Variants in PTBP1 observed in about 807,000 individuals in gnomAD.
PTBP1 encodes polypyrimidine tract-binding protein 1.
Under a neutral mutation model 59.8 loss-of-function variants are expected in PTBP1, and 8 were observed. The observed-to-expected ratio is 0.13, with a 90% CI of 0.08 to 0.24. The LOEUF (loss-of-function observed/expected upper bound fraction) is 0.24. PTBP1 is among the 10% of genes least tolerant of loss of function. The pLI is 1.00. For synonymous variants in PTBP1, 490 were observed against 320.7 expected (o/e 1.53, Z -5.64); for missense variants, 686 against 767.0 (o/e 0.89, Z 1.25).
intron 8 of PTBP1, 118 bp from the exon 9 acceptor site, chr19:805,374 T>A: frequency 8.2e-7 from 1 of 1,220,514 alleles, no homozygotes; most frequent in Non-Finnish European, 1.2e-6. Context: ...GCAGCGGATC[T>A]GCCCGCGAAG....
Position 804,543 on chromosome 19 carries a change from G to A in PTBP1, c.447G>A (p.Ala149=), listed in dbSNP as rs765059664. Residue 149 remains alanine (A), a synonymous_variant, in exon 6 of 15, where the codon GCG becomes GCA. Coordinates refer to ENST00000356948, the MANE Select transcript of PTBP1 (RefSeq NM_002819.5). The part of the protein sequence containing the change: ...DSSPNQARAQ[A]ALQAVNSVQS... ...TGTGCCTCCCACAGCGGGCCCAGGC[G>A]GCCCTGCAGGCGGTGAACTCGGTCC... 1.4e-5 allele frequency: 22 copies of A among 1,603,744 alleles called. No individual in the cohort carries two copies. The Admixed American group carries it at 2.0e-4, about 15-fold the overall frequency.
chr19:809,193 G>C (rs922486899), intron 13 of PTBP1, among the ~76,000 whole-genome samples: 8 of 151,978 alleles, frequency 5.3e-5, no homozygotes, highest in Non-Finnish European at 1.2e-4. Flanking sequence ...ATTTTTAGTA[G>C]AGACGGGGTT....
rs958328468 is a variant in PTBP1, at chr19:808,328, G to A, written c.1154-32G>A. The A allele has an allele frequency of 9.8e-6, 15 of 1,534,926 alleles. No individual in the cohort carries two copies. The highest frequency in any genetic ancestry group is 1.4e-5 in the African/African-American group (1 of 73,048). On this transcript the variant is annotated intron_variant, in intron 11 of 14. Transcript: ENST00000356948. This position sits in a 1 kb window ranked among gnomAD's most constrained non-coding sequence, Gnocchi z 4.7. ...GGGAGATGGGCGGGGCAGGCAGCAG[G>A]AGACTCAGGCCCCATCCCTGGGCTT... is the stretch of plus-strand genomic sequence containing the variant.
intron 9 of PTBP1, chr19:805,794 G>A (rs1000471646): frequency 1.4e-5 from 8 of 568,400 alleles, no homozygotes; most frequent in Non-Finnish European, 2.2e-5. Context: ...GCCAGAAGCC[G>A]CTAATCGCAC....
chr19:803,443 G>C (rs2034425568), intron 2 of PTBP1, 118 bp from the exon 3 acceptor site: 1 of 792,670 alleles, frequency 1.3e-6, no homozygotes, highest in East Asian at 2.4e-5. Flanking sequence ...TGTGGGTGTG[G>C]GTATGGGTTG....
chr19:805,332 TC>T, intron 8 of PTBP1, 145 bp downstream of exon 8: 1 of 1,206,538 alleles, frequency 8.3e-7, no homozygotes, highest in Non-Finnish European at 1.2e-6. Flanking sequence ...CGGTCCAGTG[TC>T]CCCCACGTCG....
In PTBP1 at chr19:807,966, A is replaced by G. The variant is rs1025775632; in HGVS notation, c.1153+64A>G. 4.1e-6 allele frequency: 6 copies of G among 1,449,244 alleles called. No individual in the cohort carries two copies. The African/African-American group carries it at 8.4e-5, about 20-fold the overall frequency. The allele number at this position is 1,449,244 out of a possible 1,614,324, so 89.8% of individuals were successfully genotyped here. A position where few individuals can be genotyped will look rare whatever the true frequency, so the allele number is the denominator to read the frequency against. On this transcript the variant is annotated intron_variant, in intron 11 of 14. Coordinates refer to ENST00000356948, the MANE Select transcript of PTBP1 (RefSeq NM_002819.5). ...TAATTGAGATGATTTTGATGCCCTG[A>G]GACGTATTATGAGTTTGCGGTTTGG...
rs553405829 is a variant in PTBP1 at position 804,251 on chromosome 19, CG to C, written c.289-37del. 125 of 1,611,260 alleles carry C rather than the reference CG, an allele frequency of 7.8e-5. No homozygotes were observed. In the South Asian group the frequency reaches 8.4e-4, roughly 11 times the overall value. ...CTCCGGGGTGCTCACACCGTGCAGG[CG>C]GGGACGAGGAGGGCCCAGCGCTCAC... On this transcript the variant is annotated intron_variant, in intron 4 of 14. Coordinates refer to ENST00000356948, the MANE Select transcript of PTBP1 (RefSeq NM_002819.5).
At chr19:807,742 TTCA>T (rs1374713885) in intron 10 of PTBP1, 124 bp from the exon 11 acceptor site, 7 of 712,982 alleles carry the variant, frequency 9.8e-6, no homozygotes, top group African/African-American at 1.8e-5. Flanking sequence ...TCCTGACAAC[TTCA>T]TCATCCATCA....
At position 805,129 on chromosome 19, in the gene PTBP1, A is replaced by G. The variant is rs1225268139; in HGVS notation, c.834A>G (p.Pro278=). 1.2e-6 allele frequency: 2 copies of G among 1,613,850 alleles called. No homozygotes were observed. Among genetic ancestry groups the G allele is most frequent in the Non-Finnish European group, 1.7e-6 (2 of 1,179,882 alleles). Residue 278 remains proline, a synonymous_variant, in exon 8 of 15, where the codon CCA becomes CCG. Coordinates refer to ENST00000356948, the MANE Select transcript of PTBP1 (RefSeq NM_002819.5). The part of the protein sequence containing the change: ...NNDKSRDYTR[P]DLPSGDSQPS... ...ACAAGAGCCGTGACTACACACGCCC[A>G]GACCTGCCTTCCGGGGACAGCCAGC...
Sources: gnomAD v4.1 joint callset for allele counts (sites outside exome capture counted in the v4.1 genomes callset) on GRCh38, gnomAD v4.1.1 for gene constraint, Gnocchi (gnomAD v3.1) non-coding constraint, MANE v1.5 for transcripts, NCBI Gene and HGNC (gene_info 2026-07-23, HGNC 2026-07-21) for gene names.